Variants in GPM6A observed in about 807,000 individuals in gnomAD.
GPM6A encodes the protein neuronal membrane glycoprotein M6-a.
Under a neutral mutation model 32.1 loss-of-function variants are expected in GPM6A, and 7 were observed. The observed-to-expected ratio is 0.22, with a 90% CI of 0.12 to 0.41. GPM6A has a LOEUF of 0.41. Ranked by LOEUF, GPM6A falls within the 10% of genes least tolerant of loss-of-function variation. GPM6A has a pLI of 1.00. For missense variants in GPM6A, 235 were observed against 347.2 expected, an observed-to-expected ratio of 0.68 and a Z score of 2.57; for synonymous variants, 130 against 123.4, an observed-to-expected ratio of 1.05 and a Z score of -0.35.
At position 175,723,803 on chromosome 4, in the gene GPM6A, C is replaced by T. The variant is rs189509755; in HGVS notation, c.38-22036G>A. ...AAAAGATAAACTAATGGAACATTAT[C>T]ATCAGTTGATACATTAACCCCATAA... is the stretch of plus-strand genomic sequence containing the variant. On this transcript the variant is annotated intron_variant, in intron 1 of 6. Transcript: ENST00000393658. Among the ~76,000 whole-genome samples the T allele has an allele frequency of 8.1e-3, 1,238 of 152,208 alleles. 14 individuals are homozygous for T. Among genetic ancestry groups the T allele is most frequent in the Middle Eastern group, 0.017 (5 of 294 alleles).
At chr4:175,642,732 C>T (rs991078125) in intron 4 of GPM6A, among the ~76,000 whole-genome samples, 1 of 152,022 alleles carries the variant, frequency 6.6e-6, no homozygotes, top group Non-Finnish European at 1.5e-5. Flanking sequence ...CACTCCTCAG[C>T]CTTTTTTCTC....
intron 1 of GPM6A, among the ~76,000 whole-genome samples, chr4:175,734,432 T>C (rs1036525221): frequency 2.0e-5 from 3 of 152,026 alleles, no homozygotes; most frequent in Non-Finnish European, 4.4e-5. Flanking sequence ...CCACAATGAG[T>C]AGTGAACAAA....
At chr4:175,693,737 C>T (rs368960977) in intron 2 of GPM6A, among the ~76,000 whole-genome samples, 1 of 152,094 alleles carries the variant, frequency 6.6e-6, no homozygotes, top group Non-Finnish European at 1.5e-5. Context: ...ATGAAACTAT[C>T]GTGTTCTTAT....
At chr4:175,868,074 C>A (rs543534189) in intron 1 of GPM6A, among the ~76,000 whole-genome samples, 8 of 152,156 alleles carry the variant, frequency 5.3e-5, no homozygotes, top group Admixed American at 4.6e-4. Flanking sequence ...CGGTTTCTCT[C>A]GAGCTTTTGG....
chr4:175,988,066 T>C (rs1309031324), intron 1 of GPM6A, among the ~76,000 whole-genome samples: 1 of 152,166 alleles, frequency 6.6e-6, no homozygotes. Context: ...TTCCCAAATC[T>C]ACCTTTATCT....
At chr4:175,759,972 G>C (rs1732674700) in intron 1 of GPM6A, among the ~76,000 whole-genome samples, 1 of 152,100 alleles carries the variant, frequency 6.6e-6, no homozygotes, top group South Asian at 2.1e-4. Context: ...CTGAGGTCAG[G>C]ATTTAGAGAC....
At chr4:175,739,973 T>C (rs1731812617) in intron 1 of GPM6A, among the ~76,000 whole-genome samples, 1 of 151,982 alleles carries the variant, frequency 6.6e-6, no homozygotes, top group South Asian at 2.1e-4. Context: ...CAAAAAACCT[T>C]CAAAAATGAC....
chr4:175,703,222 A>C (rs1420939893), intron 1 of GPM6A, among the ~76,000 whole-genome samples: 1 of 150,372 alleles, frequency 6.7e-6, no homozygotes, highest in Non-Finnish European at 1.5e-5. Context: ...CCCAGGCTGG[A>C]CTACAGTAGT....
In GPM6A at chr4:175,917,349, G is replaced by A. The variant is rs182189392; in HGVS notation, c.-23+84960C>T. 2.3e-4 allele frequency among the ~76,000 whole-genome samples: 35 copies of A among 152,090 alleles called. 1 individual carries two copies. In the East Asian group the frequency reaches 3.1e-3, roughly 13 times the overall value. ...TTATAAGAGCCATCTTCTTCCCCAA[G>A]CACTGCCCCTTGCCTGCATTGAAGG... On this transcript the variant is annotated intron_variant, in intron 1 of 7. Transcript: ENST00000280187.
chr4:175,637,719 AT>A (rs1349595607), intron 6 of GPM6A, among the ~76,000 whole-genome samples: 6 of 88,422 alleles, frequency 6.8e-5, no homozygotes, highest in Non-Finnish European at 1.0e-4. Flanking sequence ...ATATATTTAT[AT>A]ATAATATATT....
rs138653336 is a variant in GPM6A at position 175,966,997 on chromosome 4, G to C, written c.-23+35312C>G. 9.3e-3 allele frequency among the ~76,000 whole-genome samples: 1,407 copies of C among 151,998 alleles called. 16 individuals carry two copies. Among genetic ancestry groups the C allele is most frequent in the African/African-American group, 0.032 (1,328 of 41,454 alleles). On this transcript the variant is annotated intron_variant, in intron 1 of 7. Coordinates refer to the GPM6A transcript ENST00000280187. ...TACCTTAATACCAGAACCATACAAA[G>C]ACAACACAAGAGAAAACTACAACAA...
chr4:175,657,591 C>A (rs1044480125), intron 3 of GPM6A, among the ~76,000 whole-genome samples: 1 of 152,074 alleles, frequency 6.6e-6, no homozygotes, highest in African/African-American at 2.4e-5. Flanking sequence ...CCAGACACAC[C>A]TACTAATGTC....
upstream of GPM6A, chr4:175,812,301 GTTTTTTTTTTTTTTTT>G: frequency 1.3e-6 from 1 of 793,060 alleles, no homozygotes; most frequent in East Asian, 4.4e-5. Context: ...AAAACTGGGG[GTTTTTTTTTTTTTTTT>G]TTTTTTTTTT....
chr4:175,779,284 A>G lies in GPM6A; in HGVS notation c.37+32907T>C, dbSNP rs1733519335. ...TTTATGAATATCATCTGACCAATAA[A>G]AATATTTTAAAACTCTCATGCACGC... On this transcript the variant is annotated intron_variant, in intron 1 of 6. Coordinates refer to ENST00000393658, the MANE Select transcript of GPM6A (RefSeq NM_201591.3). 2.0e-5 allele frequency among the ~76,000 whole-genome samples: 3 copies of G among 152,140 alleles called. No individual in the cohort carries two copies. In the South Asian group the frequency reaches 6.2e-4, roughly 32 times the overall value.
intron 1 of GPM6A, among the ~76,000 whole-genome samples, chr4:175,886,482 C>G (rs1737459817): frequency 6.6e-6 from 1 of 152,072 alleles, no homozygotes; most frequent in South Asian, 2.1e-4. Context: ...CTCACAGAAC[C>G]TTACTGAAAT....
chr4:175,861,453 T>C (rs558420257), intron 1 of GPM6A, among the ~76,000 whole-genome samples: 1 of 151,278 alleles, frequency 6.6e-6, no homozygotes, highest in African/African-American at 2.4e-5. Context: ...AAAACAACTT[T>C]GAATCAGATA....
In GPM6A at chr4:175,927,737, T is replaced by G. The variant is rs570810767; in HGVS notation, c.-23+74572A>C. On this transcript the variant is annotated intron_variant, in intron 1 of 7. Coordinates refer to the GPM6A transcript ENST00000280187. Reference sequence around the variant, plus strand: ...CCATCTCTATAAAAAATAGAAAAATTAGCAGAGCGTGGCGGTGCACGCCTG... The same window carrying G: ...CCATCTCTATAAAAAATAGAAAAATGAGCAGAGCGTGGCGGTGCACGCCTG... Among the ~76,000 whole-genome samples, 3 of 152,138 alleles carry G rather than the reference T, an allele frequency of 2.0e-5. 1 individual carries two copies. Among genetic ancestry groups the G allele is most frequent in the African/African-American group, 7.2e-5 (3 of 41,508 alleles).
chr4:175,663,929 T>TGATC (rs1266488419), intron 3 of GPM6A, among the ~76,000 whole-genome samples: 1 of 152,060 alleles, frequency 6.6e-6, no homozygotes, highest in East Asian at 1.9e-4. Context: ...CCTGAGCTTG[T>TGATC]GATCCGCCCA....
rs1262085459 is a variant in GPM6A at position 175,771,798 on chromosome 4, CA to C, written c.37+40392del. Among the ~76,000 whole-genome samples the C allele has an allele frequency of 2.6e-5, 4 of 152,212 alleles. No homozygotes were observed. The East Asian group carries it at 7.7e-4, about 29-fold the overall frequency. ...CAAATGATGTGCAATGGGTGGTGAA[CA>C]AAGCAGGCAGGATCCCTGCTTTTAT... On this transcript the variant is annotated intron_variant, in intron 1 of 6. Transcript: ENST00000393658.
Sources: gnomAD v4.1 joint callset for allele counts (sites outside exome capture counted in the v4.1 genomes callset) on GRCh38, gnomAD v4.1.1 for gene constraint, MANE v1.5 for transcripts, NCBI Gene and HGNC (gene_info 2026-07-23, HGNC 2026-07-21) for gene names.